SLC9A9: variants seen among roughly 807,000 people sequenced by gnomAD.
The protein encoded by SLC9A9 is solute carrier family 9 member A9.
Under a neutral mutation model 77.8 loss-of-function variants are expected in SLC9A9, and 62 were observed. That is an observed-to-expected ratio of 0.80 (90% confidence interval 0.65 to 0.98). The LOEUF (loss-of-function observed/expected upper bound fraction) is 0.98, where lower values mean the gene tolerates loss of function less well. Ranked by LOEUF, SLC9A9 falls within the 50% of genes least tolerant of loss-of-function variation. The probability of loss-of-function intolerance (pLI) is 0.00; values close to 1 mark genes in which losing one functional copy is unlikely to be tolerated. For missense variants in SLC9A9, 775 were observed against 774.9 expected (o/e 1.00, Z 0.00); for synonymous variants, 320 against 283.5 (o/e 1.13, Z -1.29).
At chr3:143,617,109 T>A (rs1247037135) in intron 6 of SLC9A9, among the ~76,000 whole-genome samples, 1 of 152,186 alleles carries the variant, frequency 6.6e-6, no homozygotes, top group East Asian at 1.9e-4. Flanking sequence ...GCCTAGGGAA[T>A]GAGCCAGGTG....
At chr3:143,441,284 A>G (rs764078142) in intron 12 of SLC9A9, among the ~76,000 whole-genome samples, 5 of 152,018 alleles carry the variant, frequency 3.3e-5, no homozygotes, top group African/African-American at 4.8e-5. Context: ...TATTCTAGGT[A>G]CTCTCTGGAG....
chr3:143,800,536 A>G (rs1488980515), intron 2 of SLC9A9, among the ~76,000 whole-genome samples: 8 of 152,046 alleles, frequency 5.3e-5, no homozygotes, highest in African/African-American at 1.9e-4. Context: ...TTTGATCTTA[A>G]AGATGCTTTT....
At chr3:143,738,491 G>A (rs1253041587) in intron 4 of SLC9A9, among the ~76,000 whole-genome samples, 1 of 152,068 alleles carries the variant, frequency 6.6e-6, no homozygotes, top group Non-Finnish European at 1.5e-5. Context: ...AACCCTTATT[G>A]TTATAGTTAA....
chr3:143,649,788 G>T (rs936606201), intron 6 of SLC9A9, among the ~76,000 whole-genome samples: 7 of 152,098 alleles, frequency 4.6e-5, no homozygotes, highest in African/African-American at 1.7e-4. Flanking sequence ...TTAATAATTG[G>T]GTTGCACATC....
chr3:143,743,205 A>AGATGGATGGATG (rs34152223), intron 4 of SLC9A9, among the ~76,000 whole-genome samples: 14 of 140,082 alleles, frequency 1.0e-4, no homozygotes, highest in African/African-American at 3.2e-4. Context: ...ATAGATGGAT[A>AGATGGATGGATG]GATGGATGGA....
At chr3:143,759,207 T>C in intron 4 of SLC9A9, among the ~76,000 whole-genome samples, 1 of 152,110 alleles carries the variant, frequency 6.6e-6, no homozygotes, top group Non-Finnish European at 1.5e-5. Flanking sequence ...ATTTCCTGGA[T>C]GACAGACCTC....
chr3:143,745,552 C>T (rs73154718), intron 4 of SLC9A9, among the ~76,000 whole-genome samples: 9,776 of 152,288 alleles, frequency 0.064, 353 homozygotes, highest in Middle Eastern at 0.075. Flanking sequence ...CTTTATGGGA[C>T]TAAACTCTTA....
intron 2 of SLC9A9, among the ~76,000 whole-genome samples, chr3:143,830,237 A>C (rs570310318): frequency 4.7e-4 from 72 of 152,312 alleles, no homozygotes; most frequent in African/African-American, 1.6e-3. Flanking sequence ...CAGCAATGAG[A>C]GGAGGACTTA....
chr3:143,663,587 G>C (rs1255848170), intron 5 of SLC9A9, among the ~76,000 whole-genome samples: 1 of 152,144 alleles, frequency 6.6e-6, no homozygotes, highest in African/African-American at 2.4e-5. Context: ...TAGATGAATG[G>C]CTAACTAGAA....
At chr3:143,636,034 A>G (rs1355421962) in intron 6 of SLC9A9, among the ~76,000 whole-genome samples, 1 of 152,170 alleles carries the variant, frequency 6.6e-6, no homozygotes, top group Non-Finnish European at 1.5e-5. Context: ...TGATCTGTAG[A>G]ATAGGCTTAA....
rs576294307 is a variant in SLC9A9, at chr3:143,339,533, C to T, written c.1604+23951G>A. Among the ~76,000 whole-genome samples, 529 of 149,224 alleles carry T rather than the reference C, an allele frequency of 3.5e-3. 3 individuals are homozygous for T. The highest frequency in any genetic ancestry group is 6.0e-3 in the Non-Finnish European group (405 of 67,260). Reference sequence around the variant, plus strand: ...ATCTTCTTTATGTTACATTCCCCCCCTTCTACACTGGCATACTATGTTGTT... The same window carrying T: ...ATCTTCTTTATGTTACATTCCCCCCTTTCTACACTGGCATACTATGTTGTT... On this transcript the variant is annotated intron_variant, in intron 14 of 15. Transcript: ENST00000316549.
chr3:143,663,665 C>T (rs565062389), intron 5 of SLC9A9, among the ~76,000 whole-genome samples: 57 of 152,148 alleles, frequency 3.7e-4, no homozygotes, highest in Middle Eastern at 3.4e-3. Context: ...AACTACGTGA[C>T]GCATGCACAA....
intron 6 of SLC9A9, among the ~76,000 whole-genome samples, chr3:143,633,298 T>C (rs1208425093): frequency 6.6e-6 from 1 of 152,214 alleles, no homozygotes; most frequent in Non-Finnish European, 1.5e-5. Context: ...AGTAATGTAT[T>C]TTCTGCCTTA....
chr3:143,394,384 C>T (rs2033646836), intron 12 of SLC9A9, among the ~76,000 whole-genome samples: 1 of 152,122 alleles, frequency 6.6e-6, no homozygotes, highest in Non-Finnish European at 1.5e-5. Context: ...CAGAAAAGGC[C>T]TTTGACAAAA....
chr3:143,844,916 GC>G (rs1207331986), intron 1 of SLC9A9, among the ~76,000 whole-genome samples: 1 of 151,730 alleles, frequency 6.6e-6, no homozygotes, highest in Non-Finnish European at 1.5e-5. Flanking sequence ...TTATCACCAT[GC>G]CCCCCTGCTC....
chr3:143,438,027 C>T (rs533753917), intron 12 of SLC9A9, among the ~76,000 whole-genome samples: 1 of 152,298 alleles, frequency 6.6e-6, no homozygotes, highest in East Asian at 1.9e-4. Context: ...TTTTCCTACC[C>T]TCTAGGGAAA....
chr3:143,802,568 C>T (rs912095974), intron 2 of SLC9A9, among the ~76,000 whole-genome samples: 2 of 152,186 alleles, frequency 1.3e-5, no homozygotes, highest in Non-Finnish European at 2.9e-5. Flanking sequence ...TCATTTCTTC[C>T]CTTCTGTCAG....
At chr3:143,369,313 A>C (rs2032990042) in intron 13 of SLC9A9, among the ~76,000 whole-genome samples, 1 of 152,162 alleles carries the variant, frequency 6.6e-6, no homozygotes, top group South Asian at 2.1e-4. Context: ...CTGCAGGTAG[A>C]AAGTAGAATT....
intron 9 of SLC9A9, among the ~76,000 whole-genome samples, chr3:143,501,206 C>T (rs761898070): frequency 6.0e-5 from 9 of 150,396 alleles, no homozygotes; most frequent in African/African-American, 2.3e-4. Context: ...TAGTATAATA[C>T]ATTCATGTAA....
Sources: allele counts gnomAD v4.1 joint callset (sites outside exome capture counted in the v4.1 genomes callset), GRCh38; gene constraint gnomAD v4.1.1; transcripts MANE v1.5; gene names NCBI Gene and HGNC (gene_info 2026-07-23, HGNC 2026-07-21).